Variants in LRRC7 observed in about 807,000 individuals in gnomAD.
The protein encoded by LRRC7 is leucine-rich repeat-containing protein 7.
In LRRC7, 23 loss-of-function variants were observed where a neutral mutation model predicts 175.7. That is an observed-to-expected ratio of 0.13 (90% CI 0.09 to 0.19). LRRC7 has a LOEUF of 0.19. LRRC7 is among the 10% of genes least tolerant of loss of function. The probability of loss-of-function intolerance (pLI) is 1.00; values close to 1 mark genes in which losing one functional copy is unlikely to be tolerated. For synonymous variants in LRRC7, 685 were observed against 680.9 expected (o/e 1.01, Z -0.09); for missense variants, 1,354 against 1,904.7 (o/e 0.71, Z 5.38).
chr1:69,672,731 C>T (rs113449107), intron 1 of LRRC7, among the ~76,000 whole-genome samples: 85 of 152,270 alleles, frequency 5.6e-4, no homozygotes, highest in African/African-American at 1.9e-3. Flanking sequence ...ACTTCACATC[C>T]TTCATTCACT....
intron 1 of LRRC7, among the ~76,000 whole-genome samples, chr1:69,574,336 G>A (rs1645859647): frequency 6.6e-6 from 1 of 151,952 alleles, no homozygotes; most frequent in Admixed American, 6.6e-5. Context: ...GGAAAATATG[G>A]GACAAACAAT....
chr1:69,764,778 T>TAGATAGATAGACAGAC (rs1427408341), intron 3 of LRRC7, among the ~76,000 whole-genome samples: 205 of 144,486 alleles, frequency 1.4e-3, no homozygotes, highest in African/African-American at 3.4e-3. Flanking sequence ...GATAGATAGA[T>TAGATAGATAGACAGAC]AGACAGACAG....
chr1:69,667,101 T>A (rs1453372152), intron 1 of LRRC7, among the ~76,000 whole-genome samples: 1 of 152,186 alleles, frequency 6.6e-6, no homozygotes, highest in African/African-American at 2.4e-5. Context: ...TTTTCATGTG[T>A]TTGTGTATTT....
chr1:69,814,594 C>A (rs964390294), intron 4 of LRRC7, among the ~76,000 whole-genome samples: 3 of 152,112 alleles, frequency 2.0e-5, no homozygotes, highest in African/African-American at 7.2e-5. Context: ...AGTTAAGTGA[C>A]AAAACTGGTA....
At chr1:69,956,916 A>G (rs1426720180) in intron 8 of LRRC7, among the ~76,000 whole-genome samples, 1 of 151,718 alleles carries the variant, frequency 6.6e-6, no homozygotes, top group African/African-American at 2.4e-5. Flanking sequence ...GCTCTACGTA[A>G]CATTACTATG....
At chr1:69,876,928 G>A (rs967653151) in intron 7 of LRRC7, among the ~76,000 whole-genome samples, 2 of 152,148 alleles carry the variant, frequency 1.3e-5, no homozygotes, top group Admixed American at 6.6e-5. Flanking sequence ...GTCCCAGAAA[G>A]AGTACAGAGA....
chr1:69,872,902 A>G (rs896511728), intron 7 of LRRC7, among the ~76,000 whole-genome samples: 4 of 152,124 alleles, frequency 2.6e-5, no homozygotes, highest in Non-Finnish European at 5.9e-5. Context: ...AACACTATGG[A>G]GATTAAACTG....
At chr1:69,718,663 T>A (rs1157834032) in intron 2 of LRRC7, among the ~76,000 whole-genome samples, 1 of 151,792 alleles carries the variant, frequency 6.6e-6, no homozygotes, top group African/African-American at 2.4e-5. Flanking sequence ...ACTTTTAGGA[T>A]CATCAATATT....
intron 2 of LRRC7, among the ~76,000 whole-genome samples, chr1:69,706,371 AC>A (rs1223157968): frequency 6.6e-6 from 1 of 152,110 alleles, no homozygotes; most frequent in Non-Finnish European, 1.5e-5. Context: ...GACCTCAGAA[AC>A]AGAGTCTAGC....
intron 3 of LRRC7, among the ~76,000 whole-genome samples, chr1:69,773,813 G>A (rs1466140370): frequency 6.6e-6 from 1 of 152,118 alleles, no homozygotes; most frequent in African/African-American, 2.4e-5. Context: ...CTAAATTTAA[G>A]GACCTTAAAG....
intron 2 of LRRC7, among the ~76,000 whole-genome samples, chr1:69,758,720 GC>G (rs1301403323): frequency 6.6e-6 from 1 of 151,728 alleles, no homozygotes; most frequent in Admixed American, 6.6e-5. Context: ...CCATGTTTGC[GC>G]AGTGTTTAGC....
intron 7 of LRRC7, among the ~76,000 whole-genome samples, chr1:69,925,766 A>AT (rs1647051545): frequency 6.6e-6 from 1 of 151,504 alleles, no homozygotes. Flanking sequence ...GGATTCATTA[A>AT]TTTTTTGAAG....
rs187940597 is a variant in LRRC7 at position 69,583,075 on chromosome 1, A to G, written c.2+14434A>G. Reference sequence around the variant, plus strand: ...TTTCAAGCACTGAAGTTTAGTTATAAAATAAAATTTTATTTTTTTATAATA... The same window carrying G: ...TTTCAAGCACTGAAGTTTAGTTATAGAATAAAATTTTATTTTTTTATAATA... On this transcript the variant is annotated intron_variant, in intron 1 of 26. Transcript: ENST00000651989. Among the ~76,000 whole-genome samples, 7 of 152,042 alleles carry G rather than the reference A, an allele frequency of 4.6e-5. No individual in the cohort carries two copies. The East Asian group carries it at 1.4e-3, about 29-fold the overall frequency.
At chr1:69,798,749 C>T (rs1005379087) in intron 4 of LRRC7, among the ~76,000 whole-genome samples, 2 of 152,112 alleles carry the variant, frequency 1.3e-5, no homozygotes, top group Non-Finnish European at 2.9e-5. Context: ...CAGTGAAGTG[C>T]TACCACATTG....
intron 3 of LRRC7, among the ~76,000 whole-genome samples, chr1:69,762,005 T>C (rs1671091375): frequency 6.6e-6 from 1 of 152,146 alleles, no homozygotes; most frequent in East Asian, 1.9e-4. Flanking sequence ...CACCCAGTTA[T>C]ATTTTACTTT....
At chr1:69,797,012 T>C (rs2101079495) in intron 4 of LRRC7, among the ~76,000 whole-genome samples, 1 of 152,326 alleles carries the variant, frequency 6.6e-6, no homozygotes. Context: ...GATTAGAAGC[T>C]ATCTCATTTA....
At chr1:69,848,923 T>C (rs1435656470) in intron 7 of LRRC7, among the ~76,000 whole-genome samples, 2 of 152,070 alleles carry the variant, frequency 1.3e-5, no homozygotes, top group Admixed American at 1.3e-4. Context: ...TGTCCTTTCA[T>C]GGATTTTAAA....
At chr1:69,776,042 A>G (rs1024851112) in intron 3 of LRRC7, among the ~76,000 whole-genome samples, 2 of 152,154 alleles carry the variant, frequency 1.3e-5, no homozygotes, top group Admixed American at 1.3e-4. Flanking sequence ...CCAAAGTGAA[A>G]AGTCTGGGGT....
intron 2 of LRRC7, among the ~76,000 whole-genome samples, chr1:69,730,838 A>T (rs1667492775): frequency 6.6e-6 from 1 of 152,152 alleles, no homozygotes; most frequent in South Asian, 2.1e-4. Context: ...ATAAAGATAT[A>T]CCTGAGACTA....
Sources: allele counts gnomAD v4.1 joint callset (sites outside exome capture counted in the v4.1 genomes callset), GRCh38; gene constraint gnomAD v4.1.1; transcripts MANE v1.5; gene names NCBI Gene and HGNC (gene_info 2026-07-23, HGNC 2026-07-21).